Variants in LRRC8A observed in about 807,000 individuals in gnomAD.
LRRC8A encodes the protein volume-regulated anion channel subunit LRRC8A.
LRRC8A carries 24 observed loss-of-function variants against 52.5 expected under a neutral mutation model. That is an observed-to-expected ratio of 0.46 (90% CI 0.33 to 0.64). The LOEUF (loss-of-function observed/expected upper bound fraction) is 0.64, where lower values mean the gene tolerates loss of function less well. Ranked by LOEUF, LRRC8A falls within the 30% of genes least tolerant of loss-of-function variation. The probability of loss-of-function intolerance (pLI) is 0.02; values close to 1 mark genes in which losing one functional copy is unlikely to be tolerated. For missense variants in LRRC8A, 677 were observed against 1,094.7 expected, an observed-to-expected ratio of 0.62 and a Z score of 5.38; for synonymous variants, 492 against 494.2, an observed-to-expected ratio of 1.00 and a Z score of 0.06.
chr9:128,882,761 G>C (rs962918472), intron 1 of LRRC8A: 1 of 399,036 alleles, frequency 2.5e-6, no homozygotes, highest in East Asian at 3.6e-5. Context: ...CAGGATCCCC[G>C]GCTAGGCTCT....
intron 3 of LRRC8A, among the ~76,000 whole-genome samples, chr9:128,914,004 A>G (rs1840683803): frequency 6.6e-6 from 1 of 152,198 alleles, no homozygotes; most frequent in South Asian, 2.1e-4. Flanking sequence ...CAGGAGTTCA[A>G]GACCAGCCTG....
chr9:128,883,969 C>A (rs1839276200), intron 1 of LRRC8A, among the ~76,000 whole-genome samples: 1 of 150,974 alleles, frequency 6.6e-6, no homozygotes, highest in Non-Finnish European at 1.5e-5. Context: ...AGCAAAATTC[C>A]ATCTCAAAAA....
chr9:128,917,702 C>T lies in LRRC8A; in HGVS notation c.*1331C>T, dbSNP rs1840887121. ...CCCCTGGGAGGGCAGGCGTTGGTTC[C>T]AAGCCGGTTCCCGTCCCTGGCGCCT... is the stretch of plus-strand genomic sequence containing the variant. On this transcript the variant is annotated 3_prime_UTR_variant, in exon 4 of 4. Coordinates refer to ENST00000372600, the MANE Select transcript of LRRC8A (RefSeq NM_019594.4). 6.5e-6 allele frequency: 1 copy of T among 152,738 alleles called. No individual in the cohort carries two copies. Among genetic ancestry groups the T allele is most frequent in the Non-Finnish European group, 1.5e-5 (1 of 68,084 alleles). The allele number at this position is 152,738 out of a possible 1,614,324, so 9.5% of individuals were successfully genotyped here.
At chr9:128,891,316 G>T (rs188885766) in intron 2 of LRRC8A, among the ~76,000 whole-genome samples, 3 of 151,526 alleles carry the variant, frequency 2.0e-5, no homozygotes, top group Admixed American at 2.0e-4. Context: ...TGTAGTTCCA[G>T]CTACTTAGAG....
At chr9:128,901,528 A>G (rs1324038550) in intron 2 of LRRC8A, among the ~76,000 whole-genome samples, 1 of 152,098 alleles carries the variant, frequency 6.6e-6, no homozygotes, top group Admixed American at 6.6e-5. Context: ...CTGGAGGCCA[A>G]AGCAGGAGGA....
At chr9:128,895,068 A>G (rs1362589080) in intron 2 of LRRC8A, among the ~76,000 whole-genome samples, 1 of 152,188 alleles carries the variant, frequency 6.6e-6, no homozygotes, top group African/African-American at 2.4e-5. Context: ...TTATGTGAAT[A>G]AGTGAAATCA....
At chr9:128,897,477 G>A (rs1432350459) in intron 2 of LRRC8A, among the ~76,000 whole-genome samples, 1 of 151,868 alleles carries the variant, frequency 6.6e-6, no homozygotes, top group Non-Finnish European at 1.5e-5. Context: ...TCAAGTGCTG[G>A]GATTACAGAC....
At chr9:128,883,984 A>G (rs1413509289) in intron 1 of LRRC8A, among the ~76,000 whole-genome samples, 1 of 138,504 alleles carries the variant, frequency 7.2e-6, no homozygotes, top group Non-Finnish European at 1.6e-5. Context: ...CAAAAAAACA[A>G]AAAAAAAAAC....
intron 2 of LRRC8A, among the ~76,000 whole-genome samples, chr9:128,893,743 A>G (rs1839715153): frequency 6.6e-6 from 1 of 152,232 alleles, no homozygotes; most frequent in African/African-American, 2.4e-5. Context: ...ACTCATAAAC[A>G]TACCAGATTT....
At chr9:128,888,098 G>C (rs1839468091) in intron 2 of LRRC8A, among the ~76,000 whole-genome samples, 1 of 152,106 alleles carries the variant, frequency 6.6e-6, no homozygotes. Flanking sequence ...GAAGTGCCTG[G>C]TGTGTGATTG....
At chr9:128,887,843 C>T (rs1183104639) in intron 2 of LRRC8A, among the ~76,000 whole-genome samples, 1 of 152,066 alleles carries the variant, frequency 6.6e-6, no homozygotes, top group Non-Finnish European at 1.5e-5. Context: ...CGGGGTTTCA[C>T]CATGTTAGCC....
At chr9:128,884,527 A>G (rs564740167) in intron 1 of LRRC8A, among the ~76,000 whole-genome samples, 1 of 152,260 alleles carries the variant, frequency 6.6e-6, no homozygotes, top group South Asian at 2.1e-4. Context: ...GAAGACACAT[A>G]AGTTCTGATA....
rs751995060 is a variant in LRRC8A at position 128,916,130 on chromosome 9, G to T, written c.2192G>T (p.Arg731Leu). Residue 731 changes from arginine (R) to leucine (L), a missense_variant, in exon 4 of 4, where the codon CGG (arginine) becomes CTG (leucine). Physicochemically the swap from Arg to Leu is moderately radical, Grantham distance 102. Around this residue, in one of 4 missense-constraint regions of LRRC8A, gnomAD observed 169 missense variants for 217.6 expected, o/e 0.78. Transcript: ENST00000372600. This position sits in a 1 kb window ranked among gnomAD's most constrained non-coding sequence, Gnocchi z 6.1. ...CTCCCTCCGGAGCTCTTCCAGTGCCGGAAGCTGCGGGCCCTGCACCTGGGC... is the reference window on the plus strand; with the variant it reads ...CTCCCTCCGGAGCTCTTCCAGTGCCTGAAGCTGCGGGCCCTGCACCTGGGC... Reference protein sequence around the residue: ...ETLPPELFQCRKLRALHLGNN... With the variant: ...ETLPPELFQCLKLRALHLGNN... The T allele has an allele frequency of 6.2e-7, 1 of 1,611,926 alleles. No individual in the cohort carries two copies. Among genetic ancestry groups the T allele is most frequent in the Non-Finnish European group, 8.5e-7 (1 of 1,178,692 alleles).
rs1839965444 is a variant in LRRC8A, at chr9:128,899,997, T to C, written c.-8-7160T>C. 6.6e-6 allele frequency among the ~76,000 whole-genome samples: 1 copy of C among 152,214 alleles called. No homozygotes were observed. The highest frequency in any genetic ancestry group is 2.4e-5 in the African/African-American group (1 of 41,448). ...TGCAGGGGAGAATCTGGCCTTGGCC[T>C]TGGTTGTCTGTTTCTGAACTGGAAC... On this transcript the variant is annotated intron_variant, in intron 2 of 3. Transcript: ENST00000372600. This position sits in a 1 kb window ranked among gnomAD's most constrained non-coding sequence, Gnocchi z 4.0.
intron 2 of LRRC8A, among the ~76,000 whole-genome samples, chr9:128,886,980 C>T (rs1291638389): frequency 6.6e-6 from 1 of 152,208 alleles, no homozygotes; most frequent in East Asian, 1.9e-4. Flanking sequence ...AATCCAGACC[C>T]TGGAATCCTG....
intron 2 of LRRC8A, among the ~76,000 whole-genome samples, chr9:128,897,857 T>A (rs982482044): frequency 2.6e-4 from 39 of 151,946 alleles, no homozygotes; most frequent in Non-Finnish European, 4.6e-4. Context: ...TAATCTTTTT[T>A]CTTAATTATG....
At chr9:128,895,520 G>T (rs1182689001) in intron 2 of LRRC8A, among the ~76,000 whole-genome samples, 2 of 152,186 alleles carry the variant, frequency 1.3e-5, no homozygotes, top group African/African-American at 4.8e-5. Context: ...GAAGGCTGGG[G>T]CTCTCTGGGT....
chr9:128,904,405 C>G (rs1316865500), intron 2 of LRRC8A, among the ~76,000 whole-genome samples: 1 of 151,992 alleles, frequency 6.6e-6, no homozygotes, highest in African/African-American at 2.4e-5. Flanking sequence ...TGTAATCCAG[C>G]TGCTTGGGAG....
At chr9:128,901,015 A>G (rs1056494476) in intron 2 of LRRC8A, among the ~76,000 whole-genome samples, 1 of 152,060 alleles carries the variant, frequency 6.6e-6, no homozygotes, top group African/African-American at 2.4e-5. Context: ...TCTACTAAAA[A>G]TATAAAAATT....
Sources: allele counts gnomAD v4.1 joint callset (sites outside exome capture counted in the v4.1 genomes callset), GRCh38; gene constraint gnomAD v4.1.1; regional missense constraint gnomAD v4.1.1; non-coding constraint Gnocchi (gnomAD v3.1); transcripts MANE v1.5; gene names NCBI Gene and HGNC (gene_info 2026-07-23, HGNC 2026-07-21).